ELP1: variants seen among roughly 807,000 people sequenced by gnomAD.
The protein encoded by ELP1 is elongator acetyltransferase complex subunit 1, also known as elongator complex protein 1.
A neutral mutation model predicts 183.2 loss-of-function variants in ELP1; 131 were observed. The ratio of observed to expected loss-of-function variants is 0.72; its 90% confidence interval spans 0.62 to 0.83. The LOEUF is 0.83. Among genes scored for constraint, ELP1 ranks in the 40% least tolerant of loss-of-function variants. The probability of loss-of-function intolerance (pLI) is 0.00; values close to 1 mark genes in which losing one functional copy is unlikely to be tolerated. For missense variants in ELP1, 1,550 were observed against 1,594.9 expected (o/e 0.97, Z 0.48); for synonymous variants, 555 against 569.0 (o/e 0.98, Z 0.35).
In ELP1 at chr9:108,901,673, G is replaced by A; in HGVS notation, c.1863C>T (p.Val621=). 3.1e-6 allele frequency: 5 copies of A among 1,614,016 alleles called. No homozygotes were observed. The highest frequency in any genetic ancestry group is 4.2e-6 in the Non-Finnish European group (5 of 1,179,932). The change falls in exon 17 of 37, where the codon GTC becomes GTT. Residue 621 remains valine, a synonymous_variant. Coordinates refer to ENST00000374647, the MANE Select transcript of ELP1 (RefSeq NM_003640.5). Reference sequence around the variant, plus strand: ...AGCGACACCTGTCAGTCAGACCAAGGACACATTCCTGCAAAGAAATAAAAC... The same window carrying A: ...AGCGACACCTGTCAGTCAGACCAAGAACACATTCCTGCAAAGAAATAAAAC... ...ELAMIGEEEC[V]LGLTDRCRFF... is the part of the protein sequence containing the mutation.
rs374795650 is a variant in ELP1 at position 108,908,258 on chromosome 9, T to C, written c.1460+47A>G. The C allele has an allele frequency of 3.6e-6, 5 of 1,395,138 alleles. No individual in the cohort carries two copies. In the African/African-American group the frequency reaches 5.7e-5, roughly 16 times the overall value. The allele number at this position is 1,395,138 out of a possible 1,614,324, so 86.4% of individuals were successfully genotyped here. A position where few individuals can be genotyped will look rare whatever the true frequency, so the allele number is the denominator to read the frequency against. ...TCAGATGGCTGAATTTAGGACTGCATGCTGGCTGATTCTGTTCCCAGAAGC... is the reference window on the plus strand; with the variant it reads ...TCAGATGGCTGAATTTAGGACTGCACGCTGGCTGATTCTGTTCCCAGAAGC... On this transcript the variant is annotated intron_variant, in intron 13 of 36. Transcript: ENST00000374647.
chr9:108,922,439 CAGAAAA>C (rs1829678024), intron 6 of ELP1, among the ~76,000 whole-genome samples: 1 of 151,984 alleles, frequency 6.6e-6, no homozygotes, highest in Admixed American at 6.6e-5. Flanking sequence ...TTTCATCCAA[CAGAAAA>C]AGAAAAATAT....
At position 108,922,289 on chromosome 9, in the gene ELP1, C is replaced by A. The variant is rs1352629882; in HGVS notation, c.552+553G>T. On this transcript the variant is annotated intron_variant, in intron 6 of 36. Coordinates refer to ENST00000374647, the MANE Select transcript of ELP1 (RefSeq NM_003640.5). ...TCCCCAGGTGCCCCAAGAGTCTGCA[C>A]TCTTCTTGTGTCCACACACCTCTGC... 5.3e-5 allele frequency among the ~76,000 whole-genome samples: 8 copies of A among 152,182 alleles called. No individual in the cohort carries two copies. In the East Asian group the frequency reaches 1.5e-3, roughly 29 times the overall value.
chr9:108,926,758 CAAAA>C (rs1564107396), intron 4 of ELP1, among the ~76,000 whole-genome samples, 155 bp from the exon 5 acceptor site: 1 of 152,044 alleles, frequency 6.6e-6, no homozygotes, highest in African/African-American at 2.4e-5. Context: ...ACAACAATGA[CAAAA>C]AACCCCAAAA....
rs748202041 is a variant in ELP1, at chr9:108,931,051, C to G, written c.96G>C (p.Thr32=). 6.2e-7 allele frequency: 1 copy of G among 1,614,080 alleles called. No individual in the cohort carries two copies. The part of the protein sequence containing the change: ...QCFSLRTEQG[T]VLIGSEHGLI... The stretch of plus-strand genomic sequence containing the variant: ...GGCCATGTTCTGAACCAATGAGCAC[C>G]GTCCCCTGTTCAGTTCGGAGAGAGA... The change falls in exon 2 of 37, where the codon ACG becomes ACC. Residue 32 remains threonine, a synonymous_variant. Coordinates refer to ENST00000374647, the MANE Select transcript of ELP1 (RefSeq NM_003640.5).
chr9:108,873,087 C>G (rs997221375), intron 36 of ELP1, among the ~76,000 whole-genome samples: 1 of 152,106 alleles, frequency 6.6e-6, no homozygotes. Flanking sequence ...TTTCTAAGGA[C>G]CTCTCTCAAT....
At chr9:108,933,380 G>A (rs756101680) in intron 1 of ELP1, among the ~76,000 whole-genome samples, 5 of 152,220 alleles carry the variant, frequency 3.3e-5, no homozygotes, top group Non-Finnish European at 7.3e-5. Context: ...CACTTGCTAA[G>A]TACTGGGATC....
intron 29 of ELP1, among the ~76,000 whole-genome samples, chr9:108,884,627 A>C (rs1343901949): frequency 6.6e-6 from 1 of 152,234 alleles, no homozygotes; most frequent in Non-Finnish European, 1.5e-5. Flanking sequence ...CATACTTCTA[A>C]ATAAGCCAAG....
Position 108,919,351 on chromosome 9 carries a change from TAA to T in ELP1, c.553-4_553-3del, listed in dbSNP as rs757409808. ...ATCCCAGGGCAAAGCAGACTCATGC[TAA>T]AAAGGGGAACAAACACCAATATTAC... On this transcript the variant is annotated splice_region_variant and splice_polypyrimidine_tract_variant and intron_variant, in intron 6 of 36. Coordinates refer to ENST00000374647, the MANE Select transcript of ELP1 (RefSeq NM_003640.5). 13 of 1,606,736 alleles carry T rather than the reference TAA, an allele frequency of 8.1e-6. No homozygotes were observed. In the South Asian group the frequency reaches 1.3e-4, roughly 16 times the overall value.
intron 10 of ELP1, among the ~76,000 whole-genome samples, chr9:108,915,821 C>T (rs147377644): frequency 6.6e-6 from 1 of 152,056 alleles, no homozygotes; most frequent in East Asian, 1.9e-4. Flanking sequence ...ACCAAACGCA[C>T]ATCAAAAATA....
chr9:108,895,753 TGCATACCAGTG>T (rs1364539803), intron 25 of ELP1, among the ~76,000 whole-genome samples: 1 of 152,100 alleles, frequency 6.6e-6, no homozygotes, highest in Admixed American at 6.5e-5. Context: ...ATAAAAAATA[TGCATACCAGTG>T]GTGTTCAAAG....
Position 108,891,302 on chromosome 9 carries a change from C to G in ELP1, c.3061G>C (p.Ala1021Pro). Residue 1021 changes from alanine (A) to proline (P), a missense_variant, in exon 28 of 37, where the codon GCC becomes CCC. Ala to Pro is a conservative substitution (Grantham distance 27). Coordinates refer to ENST00000374647, the MANE Select transcript of ELP1 (RefSeq NM_003640.5). ...TTCCAGTTGCCACATGTCAGAAAGGCTGAGAGAGCTTTCTCGTGGGCACCG... is the reference window on the plus strand; with the variant it reads ...TTCCAGTTGCCACATGTCAGAAAGGGTGAGAGAGCTTTCTCGTGGGCACCG... ...RCGAHEKALS[A>P]FLTCGNWKQA... The G allele has an allele frequency of 6.2e-7, 1 of 1,614,158 alleles. No individual in the cohort carries two copies. Among genetic ancestry groups the G allele is most frequent in the South Asian group, 1.1e-5 (1 of 91,086 alleles).
At chr9:108,900,607 A>G (rs1432596661) in intron 18 of ELP1, among the ~76,000 whole-genome samples, 1 of 152,214 alleles carries the variant, frequency 6.6e-6, no homozygotes, top group Non-Finnish European at 1.5e-5. Context: ...ACAGCTTCTC[A>G]AATGATGTGG....
At chr9:108,887,709 G>A (rs1368604501) in intron 29 of ELP1, among the ~76,000 whole-genome samples, 2 of 152,226 alleles carry the variant, frequency 1.3e-5, no homozygotes, top group Non-Finnish European at 2.9e-5. Flanking sequence ...CATTGAAAAA[G>A]TGGGATAATA....
intron 9 of ELP1, among the ~76,000 whole-genome samples, chr9:108,916,577 G>A (rs910762895): frequency 6.6e-6 from 1 of 152,026 alleles, no homozygotes; most frequent in African/African-American, 2.4e-5. Flanking sequence ...CAGAGAAACT[G>A]GAATATGGAC....
At chr9:108,896,100 A>G (rs577658855) in intron 25 of ELP1, among the ~76,000 whole-genome samples, 60 of 152,244 alleles carry the variant, frequency 3.9e-4, no homozygotes, top group African/African-American at 1.4e-3. Flanking sequence ...TACTAAAAAT[A>G]CAAAAAATTA....
rs148535504 is a variant in ELP1, at chr9:108,878,155, G to C, written c.3701-6C>G. On this transcript the variant is annotated splice_region_variant and splice_polypyrimidine_tract_variant and intron_variant, in intron 34 of 36. Coordinates refer to ENST00000374647, the MANE Select transcript of ELP1 (RefSeq NM_003640.5). ...TAAAATATGGTATACTTCATCTAGA[G>C]AGAAGAAATTTGAAAGAGTGGTAAG... 4.1e-5 allele frequency: 66 copies of C among 1,604,656 alleles called. No individual in the cohort carries two copies. The African/African-American group carries it at 7.2e-4, about 18-fold the overall frequency.
rs1256490426 is a variant in ELP1, at chr9:108,902,849, A to G, written c.1844T>C (p.Ile615Thr). ...YPCTQTELAM[I>T]GEEECVLGLT... ...TCCGTGTTCACCTACCTCTTCTCCA[A>G]TCATGGCCAATTCGGTCTGGGTGCA... Residue 615 changes from isoleucine (I) to threonine (T), a missense_variant, in exon 16 of 37, where the codon ATT becomes ACT. Ile to Thr is a moderately conservative substitution (Grantham distance 89). Transcript: ENST00000374647. 6.2e-6 allele frequency: 10 copies of G among 1,612,892 alleles called. No individual in the cohort carries two copies. The highest frequency in any genetic ancestry group is 1.7e-4 in the Middle Eastern group (1 of 6,056).
intron 16 of ELP1, 137 bp from the exon 17 acceptor site, chr9:108,901,818 G>A: frequency 2.4e-6 from 2 of 840,662 alleles, no homozygotes; most frequent in South Asian, 2.9e-5. Flanking sequence ...AGATACCTAA[G>A]ACGTGGCTGG....
Sources: allele counts gnomAD v4.1 joint callset (sites outside exome capture counted in the v4.1 genomes callset), GRCh38; gene constraint gnomAD v4.1.1; transcripts MANE v1.5; gene names NCBI Gene and HGNC (gene_info 2026-07-23, HGNC 2026-07-21).